PAK5: variants seen among roughly 807,000 people sequenced by gnomAD.
PAK5 encodes the protein serine/threonine-protein kinase PAK 5.
Under a neutral mutation model 65.9 loss-of-function variants are expected in PAK5, and 16 were observed. The observed-to-expected ratio is 0.24, with a 90% CI of 0.16 to 0.37. PAK5 has a LOEUF of 0.37. PAK5 is among the 10% of genes least tolerant of loss of function. The probability of loss-of-function intolerance (pLI) is 1.00; values close to 1 mark genes in which losing one functional copy is unlikely to be tolerated. For missense variants in PAK5, 785 were observed against 903.9 expected (o/e 0.87, Z 1.69); for synonymous variants, 371 against 354.9 (o/e 1.05, Z -0.51).
chr20:9,769,360 G>T (rs1432071011), intron 1 of PAK5, among the ~76,000 whole-genome samples: 2 of 152,196 alleles, frequency 1.3e-5, no homozygotes, highest in African/African-American at 4.8e-5. Flanking sequence ...CAAGGCAGGG[G>T]TTCTAATAGT....
intron 3 of PAK5, among the ~76,000 whole-genome samples, chr20:9,617,255 ACTTTT>A (rs1295970132): frequency 6.6e-6 from 1 of 152,186 alleles, no homozygotes; most frequent in Non-Finnish European, 1.5e-5. Flanking sequence ...GCGCCCGTGT[ACTTTT>A]CTTGAGAAAG....
At chr20:9,617,611 A>T (rs148266509) in intron 3 of PAK5, among the ~76,000 whole-genome samples, 2,906 of 129,236 alleles carry the variant, frequency 0.022, 121 homozygotes, top group African/African-American at 0.079. Flanking sequence ...GCTGGAGTGC[A>T]GTGGTGCGAT....
intron 3 of PAK5, among the ~76,000 whole-genome samples, chr20:9,635,853 A>T (rs1386263371): frequency 6.6e-6 from 1 of 152,242 alleles, no homozygotes; most frequent in Non-Finnish European, 1.5e-5. Flanking sequence ...GTGAGCTTTA[A>T]GAAGAGACCT....
chr20:9,686,871 G>A lies in PAK5; in HGVS notation c.-12+24415C>T, dbSNP rs112656548. On this transcript the variant is annotated intron_variant, in intron 2 of 9. Coordinates refer to ENST00000353224, the MANE Select transcript of PAK5 (RefSeq NM_177990.4). ...AAGGAGTTTATTTGGGAAGTACAGG[G>A]ACCATTGTTAGGGAAGCAAAGATGT... Among the ~76,000 whole-genome samples the A allele has an allele frequency of 6.6e-5, 10 of 152,280 alleles. 1 individual carries two copies. The highest frequency in any genetic ancestry group is 3.4e-3 in the Middle Eastern group (1 of 292).
chr20:9,800,751 C>A (rs1360001606), intron 1 of PAK5, among the ~76,000 whole-genome samples: 1 of 151,822 alleles, frequency 6.6e-6, no homozygotes, highest in East Asian at 1.9e-4. Context: ...AACCTGCTGC[C>A]AGCCTGCTCT....
At chr20:9,771,260 T>G (rs1600353466) in intron 1 of PAK5, among the ~76,000 whole-genome samples, 3 of 152,186 alleles carry the variant, frequency 2.0e-5, no homozygotes, top group Non-Finnish European at 4.4e-5. Context: ...AACATTATTG[T>G]CTTTATGTAG....
intron 1 of PAK5, among the ~76,000 whole-genome samples, chr20:9,732,786 TC>T (rs1361718020): frequency 6.6e-6 from 1 of 152,146 alleles, no homozygotes; most frequent in Non-Finnish European, 1.5e-5. Context: ...CCCAACAAAA[TC>T]CCCAAAATAG....
chr20:9,712,624 C>T (rs554684980), intron 1 of PAK5, among the ~76,000 whole-genome samples: 6 of 152,184 alleles, frequency 3.9e-5, no homozygotes, highest in African/African-American at 1.4e-4. Context: ...GTTTATACTA[C>T]AAAGCTATAG....
At chr20:9,750,213 T>C (rs1443018010) in intron 1 of PAK5, among the ~76,000 whole-genome samples, 1 of 152,114 alleles carries the variant, frequency 6.6e-6, no homozygotes, top group East Asian at 1.9e-4. Context: ...TCCTAACACG[T>C]ACAAGCAGTA....
At chr20:9,641,474 A>T (rs1295264793) in intron 3 of PAK5, among the ~76,000 whole-genome samples, 1 of 132,766 alleles carries the variant, frequency 7.5e-6, no homozygotes, top group African/African-American at 2.7e-5. Context: ...TCCCTGAGCT[A>T]GACAGAAAGA....
intron 2 of PAK5, among the ~76,000 whole-genome samples, chr20:9,681,850 C>G (rs73242818): frequency 0.016 from 2,368 of 152,218 alleles, 23 homozygotes; most frequent in Middle Eastern, 0.041. Flanking sequence ...CTTCAGGTCT[C>G]CTGGTGAAAA....
At chr20:9,792,941 C>T (rs1941323203) in intron 1 of PAK5, among the ~76,000 whole-genome samples, 2 of 152,090 alleles carry the variant, frequency 1.3e-5, no homozygotes, top group South Asian at 2.1e-4. Context: ...AGATGATGCT[C>T]GTTTAGAGAA....
At position 9,627,245 on chromosome 20, in the gene PAK5, G is replaced by T. The variant is rs75847764; in HGVS notation, c.204+16880C>A. Reference sequence around the variant, plus strand: ...TGGCTTTAGGACATGGAGATTTGACGAAAGCTATTTCCTCATGCACCTCTC... The same window carrying T: ...TGGCTTTAGGACATGGAGATTTGACTAAAGCTATTTCCTCATGCACCTCTC... On this transcript the variant is annotated intron_variant, in intron 3 of 9. Transcript: ENST00000353224. Among the ~76,000 whole-genome samples, 903 of 152,230 alleles carry T rather than the reference G, an allele frequency of 5.9e-3. 10 individuals carry two copies. Among genetic ancestry groups the T allele is most frequent in the African/African-American group, 0.02 (833 of 41,526 alleles).
At chr20:9,799,939 C>CAAAAAAAAAAA (rs71331383) in intron 1 of PAK5, among the ~76,000 whole-genome samples, 3 of 43,666 alleles carry the variant, frequency 6.9e-5, no homozygotes, top group Non-Finnish European at 9.1e-5. Context: ...ACTCTGTCTC[C>CAAAAAAAAAAA]AAAAAAAAAA....
chr20:9,546,121 G>T (rs1025352439), intron 7 of PAK5, among the ~76,000 whole-genome samples: 16 of 152,130 alleles, frequency 1.1e-4, no homozygotes, highest in Non-Finnish European at 1.6e-4. Context: ...CCAGAGACAA[G>T]ATTCCCCCTG....
chr20:9,658,937 T>C (rs1245950337), intron 2 of PAK5, among the ~76,000 whole-genome samples: 2 of 152,174 alleles, frequency 1.3e-5, no homozygotes, highest in Non-Finnish European at 2.9e-5. Context: ...CCACTCAAGA[T>C]ATCACACTGA....
chr20:9,686,681 C>T (rs1197167378), intron 2 of PAK5, among the ~76,000 whole-genome samples: 1 of 152,194 alleles, frequency 6.6e-6, no homozygotes, highest in African/African-American at 2.4e-5. Flanking sequence ...CTGGAGGCCT[C>T]AACATCTTTT....
chr20:9,607,684 T>C (rs1232662645), intron 3 of PAK5, among the ~76,000 whole-genome samples: 1 of 151,890 alleles, frequency 6.6e-6, no homozygotes, highest in African/African-American at 2.4e-5. Flanking sequence ...TAGCCAGGCA[T>C]GGTAGGTAGC....
chr20:9,729,712 C>T lies in PAK5; in HGVS notation c.-161-18277G>A, dbSNP rs906491750. Among the ~76,000 whole-genome samples the T allele has an allele frequency of 5.9e-5, 9 of 152,250 alleles. No homozygotes were observed. The South Asian group carries it at 6.2e-4, about 11-fold the overall frequency. ...TTGGACCATGAAGTGAGAAAGAACTCATATATCTATCCCCACTGCAGGTAG... is the reference window on the plus strand; with the variant it reads ...TTGGACCATGAAGTGAGAAAGAACTTATATATCTATCCCCACTGCAGGTAG... On this transcript the variant is annotated intron_variant, in intron 1 of 9. Transcript: ENST00000353224.
Sources: allele counts gnomAD v4.1 joint callset (sites outside exome capture counted in the v4.1 genomes callset), GRCh38; gene constraint gnomAD v4.1.1; transcripts MANE v1.5; gene names NCBI Gene and HGNC (gene_info 2026-07-23, HGNC 2026-07-21).